The following GOLGA2 variants were observed in gnomAD, a reference collection of about 807,000 sequenced individuals.
GOLGA2 encodes the protein golgin A2, also known as golgin subfamily A member 2.
Under a neutral mutation model 148.8 loss-of-function variants are expected in GOLGA2, and 49 were observed. That is an observed-to-expected ratio of 0.33 (90% confidence interval 0.26 to 0.42). GOLGA2 has a LOEUF of 0.42. Among genes scored for constraint, GOLGA2 ranks in the 10% least tolerant of loss-of-function variants. GOLGA2 has a pLI of 1.00. For missense variants in GOLGA2, 1,178 were observed against 1,304.6 expected, an observed-to-expected ratio of 0.90 and a Z score of 1.49; for synonymous variants, 501 against 511.8, an observed-to-expected ratio of 0.98 and a Z score of 0.28.
At chr9:128,259,123 C>A (rs768880004) in intron 20 of GOLGA2, 41 bp from the exon 21 acceptor site, 1 of 1,599,616 alleles carries the variant, frequency 6.3e-7, no homozygotes, top group East Asian at 2.2e-5. Flanking sequence ...ATGGAGGTTG[C>A]CAGGTTGTCC....
chr9:128,272,866 C>T lies in GOLGA2; in HGVS notation c.208-1G>A. On this transcript the variant is annotated splice_acceptor_variant, in intron 2 of 26. Coordinates refer to ENST00000611957, the MANE Select transcript of GOLGA2 (RefSeq NM_001366244.2). LOFTEE classifies it high-confidence loss of function. ...CCAGCACCTTCAGAATGTCCTGAAT[C>T]TACAGGAGGCGAAAAGGGAAAAACA... 1 of 1,260,000 alleles carries T rather than the reference C, an allele frequency of 7.9e-7. No individual in the cohort carries two copies. Among genetic ancestry groups the T allele is most frequent in the Non-Finnish European group, 1.0e-6 (1 of 964,152 alleles). The allele number at this position is 1,260,000 out of a possible 1,614,324, so 78.1% of individuals were successfully genotyped here.
chr9:128,268,202 G>C, intron 4 of GOLGA2, 42 bp from the exon 5 acceptor site: 1 of 1,553,106 alleles, frequency 6.4e-7, no homozygotes, highest in East Asian at 2.2e-5. Context: ...TCAATTTCTG[G>C]TAAGAATCAC....
chr9:128,266,784 A>C lies in GOLGA2; in HGVS notation c.642+410T>G. ...TAAATCTTGGACTCTCAGAGCTAAG[A>C]GACCTTTGATACTCTCTAACTCTAC... On this transcript the variant is annotated intron_variant, in intron 8 of 26. Transcript: ENST00000611957. This position sits in a 1 kb window ranked among gnomAD's most constrained non-coding sequence, Gnocchi z 4.2. 2.8e-6 allele frequency: 1 copy of C among 351,294 alleles called. No individual in the cohort carries two copies. 21.8% of individuals were successfully genotyped at this position (351,294 alleles called of 1,614,324 possible).
chr9:128,258,666 C>G lies in GOLGA2; in HGVS notation c.2174-96G>C, dbSNP rs560928065. On this transcript the variant is annotated intron_variant, in intron 21 of 26. Coordinates refer to ENST00000611957, the MANE Select transcript of GOLGA2 (RefSeq NM_001366244.2). The surrounding 1 kb of genome is among the most constrained non-coding windows in gnomAD (Gnocchi z 6.6). ...CTCACTGTGTAACCCTGGGCCAGCC[C>G]CTCCCCAGAGGGAAATAAGCATCTG... 3.5e-6 allele frequency: 3 copies of G among 852,126 alleles called. No homozygotes were observed. The East Asian group carries it at 8.0e-5, about 23-fold the overall frequency. The allele number at this position is 852,126 out of a possible 1,614,324, so 52.8% of individuals were successfully genotyped here. A position where few individuals can be genotyped will look rare whatever the true frequency, so the allele number is the denominator to read the frequency against.
chr9:128,267,256 C>A lies in GOLGA2; in HGVS notation c.580G>T (p.Ala194Ser). The change falls in exon 8 of 27, where the codon GCG becomes TCG. Residue 194 changes from alanine (A) to serine (S), a missense_variant. Coordinates refer to ENST00000611957, the MANE Select transcript of GOLGA2 (RefSeq NM_001366244.2). Reference sequence around the variant, plus strand: ...ACATAGCTGGAGTCCAGGGCTACCGCTAGCTGTTGGTACCGGCTCTGAGGC... The same window carrying A: ...ACATAGCTGGAGTCCAGGGCTACCGATAGCTGTTGGTACCGGCTCTGAGGC... ...KDLESRYQQL[A>S]VALDSSYVTN... 1 of 1,610,958 alleles carries A rather than the reference C, an allele frequency of 6.2e-7. No homozygotes were observed. Among genetic ancestry groups the A allele is most frequent in the Non-Finnish European group, 8.5e-7 (1 of 1,177,160 alleles).
At chr9:128,262,795 G>T (rs1830353522) in intron 13 of GOLGA2, 91 bp from the exon 14 acceptor site, 4 of 1,250,542 alleles carry the variant, frequency 3.2e-6, no homozygotes, top group Non-Finnish European at 4.6e-6. Flanking sequence ...CACAACCACA[G>T]AACTGTGGCA....
chr9:128,274,021 A>G, intron 1 of GOLGA2, 49 bp from the exon 2 acceptor site: 1 of 1,576,234 alleles, frequency 6.3e-7, no homozygotes, highest in Non-Finnish European at 8.7e-7. Context: ...AAGCCCCCAC[A>G]GTTACATCCT....
chr9:128,269,864 G>A (rs942754719), intron 3 of GOLGA2, among the ~76,000 whole-genome samples: 1 of 152,226 alleles, frequency 6.6e-6, no homozygotes, highest in African/African-American at 2.4e-5. Flanking sequence ...AGCAAGTGCT[G>A]CAGAGGCTGG....
At position 128,266,428 on chromosome 9, in the gene GOLGA2, A is replaced by T; in HGVS notation, c.643-103T>A. ...GGGGCCAGGAATGGATTTTAAAGGC[A>T]AAGTTCTCAGACCCAATGGGAACAC... On this transcript the variant is annotated intron_variant, in intron 8 of 26. Coordinates refer to ENST00000611957, the MANE Select transcript of GOLGA2 (RefSeq NM_001366244.2). The surrounding 1 kb of genome is among the most constrained non-coding windows in gnomAD (Gnocchi z 4.2). 1 of 997,280 alleles carries T rather than the reference A, an allele frequency of 1.0e-6. No individual in the cohort carries two copies. The highest frequency in any genetic ancestry group is 1.6e-5 in the African/African-American group (1 of 63,274). 61.8% of individuals were successfully genotyped at this position (997,280 alleles called of 1,614,324 possible).
Position 128,273,936 on chromosome 9 carries a change from G to A in GOLGA2, c.121C>T (p.Pro41Ser). Reference sequence around the variant, plus strand: ...TTCTTCTTCTTTTTCGCTCCTGTAGGAACACCAGGGCTATTCCTCTGCTGA... The same window carrying A: ...TTCTTCTTCTTTTTCGCTCCTGTAGAAACACCAGGGCTATTCCTCTGCTGA... ...EYQQRNSPGV[P>S]TGAKKKKKIK... Residue 41 changes from proline (P) to serine (S), a missense_variant, in exon 2 of 27, where the codon CCT becomes TCT. By Grantham distance (74) the Pro-to-Ser change is moderately conservative. Around this residue, in one of 5 missense-constraint regions of GOLGA2, gnomAD observed 158 missense variants for 156.6 expected, o/e 1.01. Coordinates refer to ENST00000611957, the MANE Select transcript of GOLGA2 (RefSeq NM_001366244.2). 1.9e-6 allele frequency: 3 copies of A among 1,613,102 alleles called. No individual in the cohort carries two copies. Among genetic ancestry groups the A allele is most frequent in the Non-Finnish European group, 2.5e-6 (3 of 1,179,156 alleles).
intron 7 of GOLGA2, 65 bp downstream of exon 7, chr9:128,267,393 C>T (rs1027955501): frequency 5.7e-5 from 85 of 1,495,864 alleles, no homozygotes; most frequent in South Asian, 9.0e-5. Flanking sequence ...ACCCAGCCCC[C>T]GCTGTGGGAG....
intron 4 of GOLGA2, 95 bp downstream of exon 4, chr9:128,268,325 G>T: frequency 2.0e-6 from 2 of 1,018,010 alleles, no homozygotes; most frequent in Non-Finnish European, 1.6e-6. Flanking sequence ...CCCAGGAAGG[G>T]CCCTTGACCC....
At position 128,261,581 on chromosome 9, in the gene GOLGA2, A is replaced by G. The variant is rs371398136; in HGVS notation, c.1225-20T>C. The stretch of plus-strand genomic sequence containing the variant: ...CATTACCTGCAAGAATGGCCACAGA[A>G]ATGAGGAAGGACTGTCACTGGTTGT... On this transcript the variant is annotated intron_variant, in intron 15 of 26. Transcript: ENST00000611957. The surrounding 1 kb of genome is among the most constrained non-coding windows in gnomAD (Gnocchi z 5.7). 2,163 of 1,542,574 alleles carry G rather than the reference A, an allele frequency of 1.4e-3. 39 individuals are homozygous for G. The South Asian group carries it at 0.023, about 16-fold the overall frequency.
chr9:128,262,799 T>C, intron 13 of GOLGA2, 95 bp from the exon 14 acceptor site: 1 of 1,215,626 alleles, frequency 8.2e-7, no homozygotes, highest in Non-Finnish European at 1.2e-6. Context: ...ACCACAGAAC[T>C]GTGGCACTGG....
rs753281803 is a variant in GOLGA2 at position 128,268,435 on chromosome 9, G to A, written c.378C>T (p.Ser126=). ...GVPSPGASLT[S]MAASQNHDAD... ...AGGCACGAACCTGAGATGCCGCCAT[G>A]CTAGTGAGACTGGCACCAGGGGAAG... The change falls in exon 4 of 27, where the codon AGC becomes AGT. Residue 126 remains serine, a synonymous_variant. Transcript: ENST00000611957. 1.4e-5 allele frequency: 22 copies of A among 1,598,428 alleles called. No individual in the cohort carries two copies. Among genetic ancestry groups the A allele is most frequent in the East Asian group, 6.7e-5 (3 of 44,816 alleles).
At position 128,260,727 on chromosome 9, in the gene GOLGA2, AGGT is replaced by A; in HGVS notation, c.1493_1495del (p.His498del). ...TGCCAGACCCTCCAGCTCCTTCCGC[AGGT>A]GCTCAGCCTCCGCTTGTAGCTGCTG... On this transcript the variant is annotated inframe_deletion, in exon 18 of 27. Coordinates refer to ENST00000611957, the MANE Select transcript of GOLGA2 (RefSeq NM_001366244.2). This position sits in a 1 kb window ranked among gnomAD's most constrained non-coding sequence, Gnocchi z 4.8. 6.2e-7 allele frequency: 1 copy of A among 1,613,260 alleles called. No homozygotes were observed. The highest frequency in any genetic ancestry group is 8.5e-7 in the Non-Finnish European group (1 of 1,179,884).
Position 128,261,044 on chromosome 9 carries a change from C to T in GOLGA2, c.1420+128G>A, listed in dbSNP as rs952409427. The T allele has an allele frequency of 1.8e-5, 14 of 772,786 alleles. No individual in the cohort carries two copies. The highest frequency in any genetic ancestry group is 1.3e-4 in the Admixed American group (7 of 52,788). The allele number at this position is 772,786 out of a possible 1,614,324, so 47.9% of individuals were successfully genotyped here. ...ATGGAGATGACGAGACTTGCCATCT[C>T]CTGGCACAGACCTCTTTCCCTCTGC... On this transcript the variant is annotated intron_variant, in intron 17 of 26. Coordinates refer to ENST00000611957, the MANE Select transcript of GOLGA2 (RefSeq NM_001366244.2). This position sits in a 1 kb window ranked among gnomAD's most constrained non-coding sequence, Gnocchi z 5.7.
chr9:128,274,801 G>A (rs1019031589), intron 1 of GOLGA2, among the ~76,000 whole-genome samples: 50 of 152,128 alleles, frequency 3.3e-4, no homozygotes, highest in Non-Finnish European at 6.5e-4. Context: ...TCTCTCTCAA[G>A]AGAATAAAGG....
chr9:128,259,042 C>G lies in GOLGA2; in HGVS notation c.2138G>C (p.Arg713Pro), dbSNP rs1475729472. ...EAATQQNQQL[R>P]AQLSLMAHPG... ...GTGAGCCATGAGGCTCAACTGGGCCCGTAGCTGCTGATTCTGCTGGGTGGC... is the reference window on the plus strand; with the variant it reads ...GTGAGCCATGAGGCTCAACTGGGCCGGTAGCTGCTGATTCTGCTGGGTGGC... Residue 713 changes from arginine (R) to proline (P), a missense_variant, in exon 21 of 27, where the codon CGG becomes CCG. This residue lies in a region of GOLGA2 where 529 missense variants were observed against 521.8 expected (regional missense o/e 1.01). Transcript: ENST00000611957. The G allele has an allele frequency of 6.2e-7, 1 of 1,610,680 alleles. No homozygotes were observed. The highest frequency in any genetic ancestry group is 1.1e-5 in the South Asian group (1 of 91,056).
Sources: allele counts gnomAD v4.1 joint callset (sites outside exome capture counted in the v4.1 genomes callset), GRCh38; gene constraint gnomAD v4.1.1; regional missense constraint gnomAD v4.1.1; non-coding constraint Gnocchi (gnomAD v3.1); transcripts MANE v1.5; gene names NCBI Gene and HGNC (gene_info 2026-07-23, HGNC 2026-07-21).